IGFL2: variants seen among roughly 807,000 people sequenced by gnomAD.
IGFL2 encodes insulin growth factor-like family member 2.
IGFL2 carries 7 observed loss-of-function variants against 13.9 expected under a neutral mutation model. The observed-to-expected ratio is 0.51, with a 90% confidence interval of 0.29 to 0.95. The LOEUF (loss-of-function observed/expected upper bound fraction) is 0.95, where lower values mean the gene tolerates loss of function less well. IGFL2 is among the 40% of genes least tolerant of loss of function. The pLI is 0.08. For synonymous variants in IGFL2, 55 were observed against 55.8 expected (o/e 0.99, Z 0.07); for missense variants, 138 against 147.8 (o/e 0.93, Z 0.34).
chr19:46,165,840 T>A (rs1298344483), downstream of IGFL2, among the ~76,000 whole-genome samples: 4 of 152,226 alleles, frequency 2.6e-5, no homozygotes, highest in Non-Finnish European at 5.9e-5. Context: ...GACCCAATAG[T>A]CCTGTGCATC....
the IGFL2 span, among the ~76,000 whole-genome samples, chr19:46,125,107 G>T: frequency 6.6e-6 from 1 of 152,092 alleles, no homozygotes; most frequent in Non-Finnish European, 1.5e-5. Flanking sequence ...TATTCCCCAA[G>T]CACGATGTCT....
intron 1 of IGFL2, among the ~76,000 whole-genome samples, chr19:46,152,163 T>G (rs1035512080): frequency 2.0e-5 from 3 of 152,190 alleles, no homozygotes; most frequent in Non-Finnish European, 4.4e-5. Context: ...ATTTAGATGG[T>G]TTTTTACTAG....
the IGFL2 span, among the ~76,000 whole-genome samples, chr19:46,194,284 G>A: frequency 2.0e-5 from 3 of 152,046 alleles, no homozygotes; most frequent in Non-Finnish European, 2.9e-5. Flanking sequence ...TTGACTCCAC[G>A]GTCTGCAAGG....
chr19:46,114,225 T>TA, the IGFL2 span, among the ~76,000 whole-genome samples: 1 of 152,186 alleles, frequency 6.6e-6, no homozygotes, highest in Non-Finnish European at 1.5e-5. Flanking sequence ...ATACGTACCC[T>TA]AAACCAATCC....
the IGFL2 span, among the ~76,000 whole-genome samples, chr19:46,081,347 C>T: frequency 6.6e-6 from 1 of 152,186 alleles, no homozygotes; most frequent in Non-Finnish European, 1.5e-5. Flanking sequence ...CTTTTTCACT[C>T]AGCTTCCTCT....
At chr19:46,209,054 C>T in the IGFL2 span, 4 of 152,124 alleles carry the variant, frequency 2.6e-5, no homozygotes, top group Admixed American at 2.0e-4. Flanking sequence ...CAGCCTTGCT[C>T]ACCCTGGGTC....
the IGFL2 span, among the ~76,000 whole-genome samples, chr19:46,101,755 G>A: frequency 2.6e-5 from 4 of 152,148 alleles, no homozygotes; most frequent in Admixed American, 6.5e-5. Flanking sequence ...GGCAGACTCC[G>A]GCCCAACCGC....
At chr19:46,171,771 T>G in the IGFL2 span, among the ~76,000 whole-genome samples, 1 of 152,204 alleles carries the variant, frequency 6.6e-6, no homozygotes, top group Non-Finnish European at 1.5e-5. Flanking sequence ...AGTATGAAGC[T>G]CACCCTGTTG....
chr19:46,200,186 T>C, the IGFL2 span, among the ~76,000 whole-genome samples: 3 of 151,890 alleles, frequency 2.0e-5, no homozygotes, highest in Non-Finnish European at 4.4e-5. Flanking sequence ...TTTTATTTTT[T>C]GAGACAAGAT....
At chr19:46,189,052 G>T in the IGFL2 span, 3 of 154,666 alleles carry the variant, frequency 1.9e-5, no homozygotes, top group South Asian at 5.6e-4. Flanking sequence ...AGCTGGGCCC[G>T]GGGAACCACT....
the IGFL2 span, among the ~76,000 whole-genome samples, chr19:46,210,930 G>A: frequency 2.6e-5 from 4 of 152,328 alleles, no homozygotes; most frequent in African/African-American, 4.8e-5. Flanking sequence ...GTCTGCAGAG[G>A]CTGGAAGCTT....
At chr19:46,203,221 G>A in the IGFL2 span, 1 of 152,230 alleles carries the variant, frequency 6.6e-6, no homozygotes, top group South Asian at 2.1e-4. Flanking sequence ...TCATTGTCTA[G>A]GGGAGGAATG....
intron 1 of IGFL2, among the ~76,000 whole-genome samples, chr19:46,152,939 C>T (rs1973587236): frequency 6.6e-6 from 1 of 152,102 alleles, no homozygotes; most frequent in Non-Finnish European, 1.5e-5. Flanking sequence ...TACGTGTCTC[C>T]CTCCTATAGT....
the IGFL2 span, among the ~76,000 whole-genome samples, chr19:46,091,642 T>G: frequency 3.3e-5 from 5 of 152,242 alleles, no homozygotes; most frequent in South Asian, 1.0e-3. Context: ...TACCATGAAA[T>G]GAAAGCCTTT....
chr19:46,211,914 A>G, the IGFL2 span, among the ~76,000 whole-genome samples: 1 of 152,180 alleles, frequency 6.6e-6, no homozygotes, highest in Admixed American at 6.5e-5. Flanking sequence ...CCCTACTTCT[A>G]TTGTACAATA....
At chr19:46,085,166 C>T in the IGFL2 span, among the ~76,000 whole-genome samples, 1 of 152,074 alleles carries the variant, frequency 6.6e-6, no homozygotes, top group Non-Finnish European at 1.5e-5. Flanking sequence ...AAAGCTCCTG[C>T]AGTGAGCCGA....
At chr19:46,124,683 A>C in the IGFL2 span, 1 of 1,597,534 alleles carries the variant, frequency 6.3e-7, no homozygotes, top group East Asian at 2.3e-5. Flanking sequence ...ATTGAAGAAG[A>C]GTGGTAAAAG....
At chr19:46,149,157 TCTC>T in intron 1 of IGFL2, 1 of 700,150 alleles carries the variant, frequency 1.4e-6, no homozygotes, top group Non-Finnish European at 2.6e-6. Context: ...TCTCCCTCTC[TCTC>T]TTCTCTCTCT....
the IGFL2 span, among the ~76,000 whole-genome samples, chr19:46,201,597 A>G: frequency 1.3e-5 from 2 of 152,150 alleles, no homozygotes; most frequent in African/African-American, 4.8e-5. Flanking sequence ...GTGATGGCAC[A>G]TGGCCCGCTA....
Sources: allele counts gnomAD v4.1 joint callset (sites outside exome capture counted in the v4.1 genomes callset), GRCh38; gene constraint gnomAD v4.1.1; transcripts MANE v1.5; gene names NCBI Gene and HGNC (gene_info 2026-07-23, HGNC 2026-07-21).